ARMH3: variants seen among roughly 807,000 people sequenced by gnomAD.
ARMH3 encodes armadillo like helical domain containing 3, also known as armadillo-like helical domain-containing protein 3.
ARMH3 carries 60 observed loss-of-function variants against 99.1 expected under a neutral mutation model. The observed-to-expected ratio is 0.61, with a 90% CI of 0.49 to 0.75. The LOEUF (loss-of-function observed/expected upper bound fraction) is 0.75. ARMH3 is among the 30% of genes least tolerant of loss of function. The pLI, the probability that ARMH3 is intolerant of heterozygous loss-of-function variation, is 0.00. For missense variants in ARMH3, 679 were observed against 843.1 expected, an observed-to-expected ratio of 0.81 and a Z score of 2.41; for synonymous variants, 285 against 292.8, an observed-to-expected ratio of 0.97 and a Z score of 0.27.
rs560786279 is a variant in ARMH3 at position 101,863,613 on chromosome 10, T to C, written c.1861-13721A>G. ...GGAACAATTTGAAAAATCTCGCAAA[T>C]TGTGTATCTTAGAAATTTTGAAAAA... is the stretch of plus-strand genomic sequence containing the variant. On this transcript the variant is annotated intron_variant, in intron 24 of 25. Coordinates refer to ENST00000370033, the MANE Select transcript of ARMH3 (RefSeq NM_024541.3). Among the ~76,000 whole-genome samples, 249 of 152,186 alleles carry C rather than the reference T, an allele frequency of 1.6e-3. 2 individuals are homozygous for C. The highest frequency in any genetic ancestry group is 2.2e-3 in the Non-Finnish European group (152 of 68,006).
intron 20 of ARMH3, among the ~76,000 whole-genome samples, chr10:101,966,285 GTTTTTTT>G (rs34196495): frequency 0.041 from 3,296 of 80,176 alleles, 37 homozygotes; most frequent in Middle Eastern, 0.053. Flanking sequence ...TTTGGTTTGG[GTTTTTTT>G]TTTTTTTTTT....
At chr10:102,031,663 G>T (rs2067133837) in intron 4 of ARMH3, among the ~76,000 whole-genome samples, 1 of 152,208 alleles carries the variant, frequency 6.6e-6, no homozygotes, top group Non-Finnish European at 1.5e-5. Context: ...AAAGTGATCT[G>T]CCTAACTAGT....
chr10:101,924,364 CT>C lies in ARMH3; in HGVS notation c.1781+15498del, dbSNP rs1256731819. The stretch of plus-strand genomic sequence containing the variant: ...TTGGTCTTTGTGCTTTTCTGCATTG[CT>C]TTTTTTTTTTTTTTGAGACAGAGTC... On this transcript the variant is annotated intron_variant, in intron 23 of 25. Transcript: ENST00000370033. Among the ~76,000 whole-genome samples, 440 of 138,792 alleles carry C rather than the reference CT, an allele frequency of 3.2e-3. 1 individual carries two copies. Among genetic ancestry groups the C allele is most frequent in the Middle Eastern group, 0.015 (4 of 274 alleles). The allele number at this position is 138,792 out of a possible 152,430, so 91.1% of individuals were successfully genotyped here. A position where few individuals can be genotyped will look rare whatever the true frequency, so the allele number is the denominator to read the frequency against.
At position 101,863,127 on chromosome 10, in the gene ARMH3, C is replaced by T. The variant is rs370559741; in HGVS notation, c.1861-13235G>A. ...CTGAGGCAGGAGAATAGCTTGAATC[C>T]GGGAGGCGGAGGTTGCGGTGAGCCA... On this transcript the variant is annotated intron_variant, in intron 24 of 25. Transcript: ENST00000370033. 5.3e-5 allele frequency among the ~76,000 whole-genome samples: 8 copies of T among 152,138 alleles called. No individual in the cohort carries two copies. In the East Asian group the frequency reaches 5.8e-4, roughly 11 times the overall value.
Position 102,025,183 on chromosome 10 carries a change from A to G in ARMH3, c.480T>C (p.Cys160=). 6.2e-7 allele frequency: 1 copy of G among 1,613,896 alleles called. No individual in the cohort carries two copies. The highest frequency in any genetic ancestry group is 8.5e-7 in the Non-Finnish European group (1 of 1,179,880). The change falls in exon 6 of 26, where the codon TGT becomes TGC. Residue 160 remains cysteine (C), a synonymous_variant. Transcript: ENST00000370033. ...TCACTAAGCAAAGGAGAAGTTTCAG[A>G]CATAAACTCTTCAGACTTTCAGAAC... ...AEGSESLKSL[C]LKLLLCLVTV...
intron 1 of ARMH3, among the ~76,000 whole-genome samples, chr10:102,049,890 C>T (rs1245671741): frequency 1.3e-5 from 2 of 152,036 alleles, no homozygotes; most frequent in Non-Finnish European, 2.9e-5. Context: ...TATTACTTTG[C>T]CCAAAGTAAC....
At chr10:101,901,388 G>A (rs939229961) in intron 23 of ARMH3, among the ~76,000 whole-genome samples, 1 of 152,070 alleles carries the variant, frequency 6.6e-6, no homozygotes, top group Non-Finnish European at 1.5e-5. Flanking sequence ...AAGGCAATCA[G>A]CAAGTCTGCC....
rs1370423296 is a variant in ARMH3, at chr10:102,025,255, A to G, written c.415-7T>C. On this transcript the variant is annotated splice_polypyrimidine_tract_variant and splice_region_variant and intron_variant, in intron 5 of 25. Coordinates refer to ENST00000370033, the MANE Select transcript of ARMH3 (RefSeq NM_024541.3). ...CCAAACTCTCCATCAAGTTCTGAGAAAGAGAACCAATAAGCATTAAACCAT... is the reference window on the plus strand; with the variant it reads ...CCAAACTCTCCATCAAGTTCTGAGAGAGAGAACCAATAAGCATTAAACCAT... 3 of 1,611,042 alleles carry G rather than the reference A, an allele frequency of 1.9e-6. No homozygotes were observed. Among genetic ancestry groups the G allele is most frequent in the South Asian group, 2.2e-5 (2 of 91,024 alleles).
intron 8 of ARMH3, among the ~76,000 whole-genome samples, chr10:102,017,587 C>G (rs2066778363): frequency 6.6e-6 from 1 of 152,152 alleles, no homozygotes; most frequent in African/African-American, 2.4e-5. Flanking sequence ...TAACCCTCAC[C>G]TCTCTTTAAC....
At chr10:102,055,383 G>A (rs960614249) in intron 1 of ARMH3, among the ~76,000 whole-genome samples, 1 of 152,186 alleles carries the variant, frequency 6.6e-6, no homozygotes, top group Non-Finnish European at 1.5e-5. Context: ...GGATGATCCA[G>A]TGACATACAT....
At chr10:101,941,544 G>A (rs1844239976) in intron 22 of ARMH3, among the ~76,000 whole-genome samples, 1 of 152,138 alleles carries the variant, frequency 6.6e-6, no homozygotes, top group African/African-American at 2.4e-5. Flanking sequence ...GCTGTGATGG[G>A]GGAAAGAAAG....
intron 22 of ARMH3, among the ~76,000 whole-genome samples, chr10:101,943,270 C>G (rs1209633819): frequency 3.3e-5 from 5 of 152,158 alleles, no homozygotes. Flanking sequence ...GAAGAAACTA[C>G]CCAAGGCCGA....
chr10:101,853,826 C>T (rs1241667999), intron 24 of ARMH3, among the ~76,000 whole-genome samples: 1 of 152,180 alleles, frequency 6.6e-6, no homozygotes, highest in Non-Finnish European at 1.5e-5. Context: ...AGAAAGTTAA[C>T]TGAGCTGACC....
chr10:101,908,922 C>G (rs1842756559), intron 23 of ARMH3, among the ~76,000 whole-genome samples: 1 of 151,906 alleles, frequency 6.6e-6, no homozygotes, highest in Non-Finnish European at 1.5e-5. Flanking sequence ...CTCAGCCTCC[C>G]AAAGTGCTGG....
At chr10:101,910,212 A>G (rs1434499887) in intron 23 of ARMH3, among the ~76,000 whole-genome samples, 1 of 152,200 alleles carries the variant, frequency 6.6e-6, no homozygotes, top group Non-Finnish European at 1.5e-5. Context: ...TGAAGAAAGA[A>G]TTACAACCAA....
At chr10:101,976,168 CAA>C (rs780547260) in intron 19 of ARMH3, among the ~76,000 whole-genome samples, 79 of 23,170 alleles carry the variant, frequency 3.4e-3, no homozygotes, top group African/African-American at 0.012. Context: ...GACTCTGTCT[CAA>C]AAAAAAAAAA....
rs986262065 is a variant in ARMH3 at position 102,006,726 on chromosome 10, C to T, written c.955-93G>A. 6.5e-6 allele frequency: 8 copies of T among 1,229,780 alleles called. No homozygotes were observed. The African/African-American group carries it at 1.2e-4, about 19-fold the overall frequency. The allele number at this position is 1,229,780 out of a possible 1,614,324, so 76.2% of individuals were successfully genotyped here. A position where few individuals can be genotyped will look rare whatever the true frequency, so the allele number is the denominator to read the frequency against. The stretch of plus-strand genomic sequence containing the variant: ...TACCAATAAGGACTGGTATTCTGGA[C>T]CTTATAATTTTTTTTTTTTGAGACA... On this transcript the variant is annotated intron_variant, in intron 13 of 25. Coordinates refer to ENST00000370033, the MANE Select transcript of ARMH3 (RefSeq NM_024541.3).
intron 4 of ARMH3, among the ~76,000 whole-genome samples, chr10:102,032,176 C>T (rs994476759): frequency 2.0e-5 from 3 of 152,282 alleles, no homozygotes; most frequent in South Asian, 4.1e-4. Flanking sequence ...GTACTATTTG[C>T]TATGCACTGC....
chr10:101,997,696 T>C (rs1847125252), intron 15 of ARMH3, among the ~76,000 whole-genome samples: 1 of 152,120 alleles, frequency 6.6e-6, no homozygotes, highest in East Asian at 1.9e-4. Context: ...AGTTGGGTGG[T>C]AGGTTCACAT....
Sources: gnomAD v4.1 joint callset for allele counts (sites outside exome capture counted in the v4.1 genomes callset) on GRCh38, gnomAD v4.1.1 for gene constraint, MANE v1.5 for transcripts, NCBI Gene and HGNC (gene_info 2026-07-23, HGNC 2026-07-21) for gene names.